The following PRKAR2A variants were observed in gnomAD, a reference collection of about 807,000 sequenced individuals.
PRKAR2A encodes the protein cAMP-dependent protein kinase type II-alpha regulatory subunit.
In PRKAR2A, 29 loss-of-function variants were observed where a neutral mutation model predicts 51.9. The observed-to-expected ratio is 0.56, with a 90% confidence interval of 0.42 to 0.76. The LOEUF (loss-of-function observed/expected upper bound fraction) is 0.76, where lower values mean the gene tolerates loss of function less well. Among genes scored for constraint, PRKAR2A ranks in the 30% least tolerant of loss-of-function variants. The pLI, the probability that PRKAR2A is intolerant of heterozygous loss-of-function variation, is 0.00. For synonymous variants in PRKAR2A, 178 were observed against 186.2 expected (o/e 0.96, Z 0.36); for missense variants, 445 against 512.1 (o/e 0.87, Z 1.26).
intron 5 of PRKAR2A, 58 bp from the exon 6 acceptor site, chr3:48,773,166 C>T: frequency 7.3e-7 from 1 of 1,378,260 alleles, no homozygotes; most frequent in East Asian, 2.3e-5. Flanking sequence ...ATGTTAAGAA[C>T]TGGCAGGTAC....
chr3:48,811,921 C>A, intron 1 of PRKAR2A, among the ~76,000 whole-genome samples: 1 of 151,536 alleles, frequency 6.6e-6, no homozygotes, highest in African/African-American at 2.4e-5. Context: ...AAGTTAAAAC[C>A]AGAAAAACAC....
chr3:48,810,316 G>C (rs1326593015), intron 1 of PRKAR2A, among the ~76,000 whole-genome samples: 1 of 151,884 alleles, frequency 6.6e-6, no homozygotes, highest in Non-Finnish European at 1.5e-5. Flanking sequence ...ATGGGGAATT[G>C]GTTCCGTAGA....
intron 1 of PRKAR2A, among the ~76,000 whole-genome samples, chr3:48,830,057 G>A (rs2083163228): frequency 6.6e-6 from 1 of 150,792 alleles, no homozygotes; most frequent in South Asian, 2.1e-4. Context: ...AAAAAAATTA[G>A]CCGGGCATGG....
At chr3:48,758,677 G>A (rs999982070) in intron 8 of PRKAR2A, among the ~76,000 whole-genome samples, 1 of 152,088 alleles carries the variant, frequency 6.6e-6, no homozygotes, top group African/African-American at 2.4e-5. Context: ...AGGGCCTGAG[G>A]AGAATGAACA....
In PRKAR2A at chr3:48,751,208, G is replaced by A. The variant is rs987614239; in HGVS notation, c.*377C>T. On this transcript the variant is annotated 3_prime_UTR_variant, in exon 11 of 11. Coordinates refer to ENST00000265563, the MANE Select transcript of PRKAR2A (RefSeq NM_004157.4). ...TACAGTTATACAACAGGTTTCTGCA[G>A]ACCCTGTGGTAACTTCCAAAAGCAA... 1 of 438,442 alleles carries A rather than the reference G, an allele frequency of 2.3e-6. No individual in the cohort carries two copies. Among genetic ancestry groups the A allele is most frequent in the Non-Finnish European group, 4.5e-6 (1 of 220,376 alleles). 27.2% of individuals were successfully genotyped at this position (438,442 alleles called of 1,614,324 possible).
intron 1 of PRKAR2A, among the ~76,000 whole-genome samples, chr3:48,824,368 C>A (rs1007078099): frequency 1.3e-5 from 2 of 151,760 alleles, no homozygotes; most frequent in Non-Finnish European, 2.9e-5. Flanking sequence ...GTGCTCCAGC[C>A]TGGGTAACAG....
chr3:48,837,087 C>G (rs937518736), intron 1 of PRKAR2A, among the ~76,000 whole-genome samples: 1 of 151,846 alleles, frequency 6.6e-6, no homozygotes, highest in East Asian at 1.9e-4. Flanking sequence ...ATGATTGCAC[C>G]ACTATACTCC....
At chr3:48,797,181 T>A (rs2107330652) in intron 2 of PRKAR2A, among the ~76,000 whole-genome samples, 1 of 152,084 alleles carries the variant, frequency 6.6e-6, no homozygotes, top group South Asian at 2.1e-4. Flanking sequence ...ATTATTATAT[T>A]TTTTGAGACA....
intron 1 of PRKAR2A, among the ~76,000 whole-genome samples, chr3:48,837,041 T>C (rs2083298259): frequency 6.6e-6 from 1 of 151,998 alleles, no homozygotes; most frequent in Non-Finnish European, 1.5e-5. Context: ...GGTGAAAGGA[T>C]CGCTTGAGCC....
chr3:48,847,342 G>T lies in PRKAR2A; in HGVS notation c.255C>A (p.Asp85Glu). Residue 85 changes from aspartate (D) to glutamate (E), a missense_variant, in exon 1 of 11, where the codon GAC becomes GAA. Transcript: ENST00000265563. The surrounding 1 kb of genome is among the most constrained non-coding windows in gnomAD (Gnocchi z 4.4). ...KGDSESEEDE[D>E]LEVPVPSRFN... Reference sequence around the variant, plus strand: ...GCCCCGCCCACAGCCTACCTTCCAAGTCCTCGTCCTCCTCCGACTCGCTGT... The same window carrying T: ...GCCCCGCCCACAGCCTACCTTCCAATTCCTCGTCCTCCTCCGACTCGCTGT... 6.2e-7 allele frequency: 1 copy of T among 1,613,584 alleles called. No individual in the cohort carries two copies. The highest frequency in any genetic ancestry group is 8.5e-7 in the Non-Finnish European group (1 of 1,179,720).
In PRKAR2A at chr3:48,749,282, GA is replaced by G. The variant is rs1002270166; in HGVS notation, c.*2302del. 2 of 150,842 alleles carry G rather than the reference GA, an allele frequency of 1.3e-5. No individual in the cohort carries two copies. The highest frequency in any genetic ancestry group is 6.6e-5 in the Admixed American group (1 of 15,126). The allele number at this position is 150,842 out of a possible 1,614,324, so 9.3% of individuals were successfully genotyped here. ...CATCTGATTCTAAGTTATTCTGAAG[GA>G]AAAAAAAATTATTCTGAAATATACC... On this transcript the variant is annotated 3_prime_UTR_variant, in exon 11 of 11. Transcript: ENST00000265563.
At chr3:48,799,403 T>G (rs1312346924) in intron 2 of PRKAR2A, among the ~76,000 whole-genome samples, 1 of 152,218 alleles carries the variant, frequency 6.6e-6, no homozygotes, top group East Asian at 1.9e-4. Context: ...TCATTACCTC[T>G]TTAAAGGCTC....
intron 2 of PRKAR2A, among the ~76,000 whole-genome samples, chr3:48,802,491 G>A (rs939213948): frequency 4.2e-4 from 64 of 152,272 alleles, no homozygotes; most frequent in African/African-American, 1.5e-3. Flanking sequence ...GGCTTAAGAG[G>A]CCAGGCATTC....
intron 2 of PRKAR2A, among the ~76,000 whole-genome samples, chr3:48,800,369 C>T (rs1246251455): frequency 6.6e-6 from 1 of 151,042 alleles, no homozygotes; most frequent in African/African-American, 2.4e-5. Flanking sequence ...AAAAATTAGC[C>T]AGGCGTGGTG....
At chr3:48,815,192 G>A (rs1196617954) in intron 1 of PRKAR2A, among the ~76,000 whole-genome samples, 2 of 151,980 alleles carry the variant, frequency 1.3e-5, no homozygotes, top group Non-Finnish European at 2.9e-5. Flanking sequence ...GGAATTACAC[G>A]CGTTAGCCAC....
chr3:48,748,190 C>A lies in PRKAR2A; in HGVS notation c.*3395G>T, dbSNP rs1001257035. ...TCCCCCAGACTGGAGTGCAGTGGCACGATCATGGCTCACTGCAGCTTCAGT... is the reference window on the plus strand; with the variant it reads ...TCCCCCAGACTGGAGTGCAGTGGCAAGATCATGGCTCACTGCAGCTTCAGT... On this transcript the variant is annotated 3_prime_UTR_variant, in exon 11 of 11. Transcript: ENST00000265563. 2.7e-5 allele frequency: 4 copies of A among 150,696 alleles called. No individual in the cohort carries two copies. In the South Asian group the frequency reaches 8.4e-4, roughly 32 times the overall value. The allele number at this position is 150,696 out of a possible 1,614,324, so 9.3% of individuals were successfully genotyped here. A position where few individuals can be genotyped will look rare whatever the true frequency, so the allele number is the denominator to read the frequency against.
At chr3:48,845,249 T>C (rs1428751150) in intron 1 of PRKAR2A, among the ~76,000 whole-genome samples, 2 of 152,196 alleles carry the variant, frequency 1.3e-5, no homozygotes, top group Non-Finnish European at 2.9e-5. Context: ...GTGGCAGAGT[T>C]TAGAAAATAA....
At chr3:48,773,963 T>G (rs2082068453) in intron 5 of PRKAR2A, among the ~76,000 whole-genome samples, 1 of 144,926 alleles carries the variant, frequency 6.9e-6, no homozygotes, top group South Asian at 2.3e-4. Flanking sequence ...CAGCCCCGAG[T>G]AGCTGTGACC....
chr3:48,829,874 T>G (rs796772864), intron 1 of PRKAR2A, among the ~76,000 whole-genome samples: 1 of 86,042 alleles, frequency 1.2e-5, no homozygotes, highest in Non-Finnish European at 2.3e-5. Flanking sequence ...TATATATATT[T>G]TTTTTTTTTT....
Sources: gnomAD v4.1 joint callset for allele counts (sites outside exome capture counted in the v4.1 genomes callset) on GRCh38, gnomAD v4.1.1 for gene constraint, Gnocchi (gnomAD v3.1) non-coding constraint, MANE v1.5 for transcripts, NCBI Gene and HGNC (gene_info 2026-07-23, HGNC 2026-07-21) for gene names.